Variants in MYO5A observed in about 807,000 individuals in gnomAD.
MYO5A encodes the protein unconventional myosin-Va.
MYO5A carries 98 observed loss-of-function variants against 249.7 expected under a neutral mutation model. The observed-to-expected ratio is 0.39, with a 90% confidence interval of 0.33 to 0.46. MYO5A has a LOEUF of 0.46. MYO5A is among the 20% of genes least tolerant of loss of function. MYO5A has a pLI of 0.98. For synonymous variants in MYO5A, 778 were observed against 810.6 expected (o/e 0.96, Z 0.68); for missense variants, 1,696 against 2,308.8 (o/e 0.73, Z 5.44).
At chr15:52,508,768 A>ACTGT (rs2077328176) in intron 1 of MYO5A, among the ~76,000 whole-genome samples, 1 of 151,824 alleles carries the variant, frequency 6.6e-6, no homozygotes, top group Admixed American at 6.6e-5. Context: ...TTTTTCTTTT[A>ACTGT]CTGTCTTTTT....
intron 1 of MYO5A, among the ~76,000 whole-genome samples, chr15:52,501,165 G>A (rs1237177407): frequency 1.3e-5 from 2 of 151,912 alleles, no homozygotes; most frequent in Non-Finnish European, 2.9e-5. Context: ...TAGAGATGGG[G>A]ATTTACCTTG....
rs1166176936 is a variant in MYO5A, at chr15:52,381,763, G to GTCTCTC, written c.2012+1322_2012+1327dup. Among the ~76,000 whole-genome samples, 5 of 150,454 alleles carry GTCTCTC rather than the reference G, an allele frequency of 3.3e-5. No individual in the cohort carries two copies. The East Asian group carries it at 5.9e-4, about 18-fold the overall frequency. On this transcript the variant is annotated intron_variant, in intron 16 of 41. Coordinates refer to ENST00000399233, the MANE Select transcript of MYO5A (RefSeq NM_001382347.1). The stretch of plus-strand genomic sequence containing the variant: ...CATAGCACAAGGCCCCTCCTTTTGT[G>GTCTCTC]TCTCTCTCTCTCTCTCTCTCACACA...
At chr15:52,488,822 G>A (rs1385513314) in intron 1 of MYO5A, among the ~76,000 whole-genome samples, 1 of 152,118 alleles carries the variant, frequency 6.6e-6, no homozygotes, top group African/African-American at 2.4e-5. Flanking sequence ...AGTTTAAAAA[G>A]CTAAACTAAA....
chr15:52,370,132 T>C (rs1348246405), intron 22 of MYO5A, 37 bp downstream of exon 22: 5 of 1,613,044 alleles, frequency 3.1e-6, no homozygotes, highest in Non-Finnish European at 2.5e-6. Context: ...CTCTCTTTTG[T>C]GTACGGAGTA....
chr15:52,462,109 C>CAA (rs1160896737), intron 1 of MYO5A, among the ~76,000 whole-genome samples: 1 of 144,458 alleles, frequency 6.9e-6, no homozygotes, highest in Non-Finnish European at 1.5e-5. Context: ...TAAAAAAATA[C>CAA]AAAAAAATTA....
At chr15:52,403,966 A>G (rs144722059) in intron 9 of MYO5A, among the ~76,000 whole-genome samples, 1 of 152,300 alleles carries the variant, frequency 6.6e-6, no homozygotes, top group Non-Finnish European at 1.5e-5. Flanking sequence ...GGACTAATAA[A>G]TAAGTTACAG....
chr15:52,450,593 CAA>C (rs973233206), intron 1 of MYO5A, among the ~76,000 whole-genome samples: 1 of 149,718 alleles, frequency 6.7e-6, no homozygotes, highest in Non-Finnish European at 1.5e-5. Flanking sequence ...CACTTGAACT[CAA>C]GAGGTGGAGG....
intron 2 of MYO5A, among the ~76,000 whole-genome samples, chr15:52,431,497 T>A (rs1167981295): frequency 6.6e-6 from 1 of 152,004 alleles, no homozygotes; most frequent in Non-Finnish European, 1.5e-5. Context: ...TATCTATCCA[T>A]CCATGTATAT....
At position 52,398,746 on chromosome 15, in the gene MYO5A, C is replaced by T. The variant is rs148934276; in HGVS notation, c.1054-1280G>A. On this transcript the variant is annotated intron_variant, in intron 9 of 41. Transcript: ENST00000399233. ...GCTCACGCCTGTAATCCCAGCACTT[C>T]GGGAGGCTAAGGCAGGAGGATCACC... Among the ~76,000 whole-genome samples, 80 of 152,206 alleles carry T rather than the reference C, an allele frequency of 5.3e-4. 1 individual carries two copies. In the East Asian group the frequency reaches 7.9e-3, roughly 15 times the overall value.
intron 1 of MYO5A, among the ~76,000 whole-genome samples, chr15:52,517,665 C>T (rs1430277409): frequency 6.6e-6 from 1 of 152,152 alleles, no homozygotes; most frequent in Non-Finnish European, 1.5e-5. Context: ...GAGCCAAGAT[C>T]GCACCAATGT....
intron 1 of MYO5A, among the ~76,000 whole-genome samples, chr15:52,444,194 A>G (rs1206331921): frequency 2.0e-5 from 3 of 152,232 alleles, no homozygotes; most frequent in Non-Finnish European, 4.4e-5. Flanking sequence ...GTTATTTAAC[A>G]TTCGTGTAAA....
At chr15:52,397,949 G>A (rs1724579) in intron 9 of MYO5A, among the ~76,000 whole-genome samples, 110,802 of 151,602 alleles carry the variant, frequency 0.73, 42,283 homozygotes, top group Non-Finnish European at 0.83. Flanking sequence ...AGAGGAATAT[G>A]TTCTATTTTG....
At chr15:52,400,155 G>C (rs2042684514) in intron 9 of MYO5A, among the ~76,000 whole-genome samples, 1 of 151,454 alleles carries the variant, frequency 6.6e-6, no homozygotes, top group Non-Finnish European at 1.5e-5. Context: ...CCTCTTTCTT[G>C]CTATATTTTG....
intron 11 of MYO5A, among the ~76,000 whole-genome samples, chr15:52,395,608 C>T (rs943060546): frequency 6.6e-6 from 1 of 152,128 alleles, no homozygotes; most frequent in African/African-American, 2.4e-5. Flanking sequence ...AAACCACACA[C>T]AGAAGGTACT....
chr15:52,509,920 T>C (rs768474154), intron 1 of MYO5A, among the ~76,000 whole-genome samples: 3 of 152,038 alleles, frequency 2.0e-5, no homozygotes, highest in Non-Finnish European at 4.4e-5. Flanking sequence ...ACAAAAAAGC[T>C]CTAAGGTCTT....
chr15:52,331,231 T>C (rs2038872503), intron 34 of MYO5A, among the ~76,000 whole-genome samples: 1 of 152,172 alleles, frequency 6.6e-6, no homozygotes, highest in Non-Finnish European at 1.5e-5. Flanking sequence ...AAATTCTACT[T>C]ATAAAGTTGC....
chr15:52,364,315 T>C (rs922769062), intron 24 of MYO5A, among the ~76,000 whole-genome samples: 2 of 152,130 alleles, frequency 1.3e-5, no homozygotes, highest in African/African-American at 4.8e-5. Flanking sequence ...TTTAAACTGT[T>C]TGACTTTACC....
At chr15:52,378,641 G>A (rs4774620) in intron 18 of MYO5A, among the ~76,000 whole-genome samples, 127,315 of 149,802 alleles carry the variant, frequency 0.85, 57,700 homozygotes, top group Non-Finnish European at 0.99. Context: ...ACAAAAAAAA[G>A]GCATCACATT....
chr15:52,437,594 CAAAAAA>C (rs57299562), intron 1 of MYO5A, among the ~76,000 whole-genome samples: 1 of 73,906 alleles, frequency 1.4e-5, no homozygotes, highest in African/African-American at 5.0e-5. Flanking sequence ...GACTCCATCT[CAAAAAA>C]AAAAAAAAAA....
Sources: allele counts gnomAD v4.1 joint callset (sites outside exome capture counted in the v4.1 genomes callset), GRCh38; gene constraint gnomAD v4.1.1; transcripts MANE v1.5; gene names NCBI Gene and HGNC (gene_info 2026-07-23, HGNC 2026-07-21).